The following LEMD3 variants were observed in gnomAD, a reference collection of about 807,000 sequenced individuals.
LEMD3 encodes the protein inner nuclear membrane protein Man1.
A neutral mutation model predicts 95.2 loss-of-function variants in LEMD3; 33 were observed. The ratio of observed to expected loss-of-function variants is 0.35; its 90% CI spans 0.26 to 0.46. LEMD3 has a LOEUF of 0.46. Ranked by LOEUF, LEMD3 falls within the 20% of genes least tolerant of loss-of-function variation. The pLI is 1.00. For missense variants in LEMD3, 1,210 were observed against 1,192.8 expected (o/e 1.01, Z -0.21); for synonymous variants, 525 against 474.6 (o/e 1.11, Z -1.38).
At chr12:65,240,354 GT>G (rs1032247401) in intron 8 of LEMD3, 116 bp downstream of exon 8, 43 of 762,646 alleles carry the variant, frequency 5.6e-5, no homozygotes, top group Admixed American at 9.0e-5. Context: ...TACTGCACAG[GT>G]TTTTTTTGGT....
rs1451101246 is a variant in LEMD3, at chr12:65,239,924, T to C, written c.1922-5T>C. 1 of 1,575,744 alleles carries C rather than the reference T, an allele frequency of 6.3e-7. No homozygotes were observed. Among genetic ancestry groups the C allele is most frequent in the Admixed American group, 1.7e-5 (1 of 59,940 alleles). On this transcript the variant is annotated splice_polypyrimidine_tract_variant and splice_region_variant and intron_variant, in intron 6 of 12. Transcript: ENST00000308330. ...TTTAAAATACAAAGTATATTAATAT[T>C]ACAGGTGTAGTGATGGTTTGTGTCG...
At chr12:65,235,471 GT>G (rs1162447571) in intron 4 of LEMD3, among the ~76,000 whole-genome samples, 1 of 152,000 alleles carries the variant, frequency 6.6e-6, no homozygotes, top group Non-Finnish European at 1.5e-5. Context: ...GTATACATGG[GT>G]TTTGCATCCA....
intron 1 of LEMD3, chr12:65,171,698 A>G (rs1208315170): frequency 6.1e-6 from 1 of 163,448 alleles, no homozygotes; most frequent in Non-Finnish European, 1.3e-5. Flanking sequence ...CACTTTCCCT[A>G]TCATCTGTAC....
Position 65,170,338 on chromosome 12 carries a change from C to G in LEMD3, c.742C>G (p.Arg248Gly). ...LWASRTVNGSRLVPYSCRENY... is the reference protein window; with the variant it reads ...LWASRTVNGSGLVPYSCRENY... ...GGCGAGCCGGACCGTGAATGGCAGC[C>G]GGCTTGTCCCCTACAGCTGCCGGGA... The change falls in exon 1 of 13, where the codon CGG (arginine) becomes GGG (glycine). Residue 248 changes from arginine to glycine, a missense_variant. Physicochemically the swap from Arg to Gly is moderately radical, Grantham distance 125. Transcript: ENST00000308330. 1.2e-6 allele frequency: 2 copies of G among 1,605,828 alleles called. No individual in the cohort carries two copies. Among genetic ancestry groups the G allele is most frequent in the Non-Finnish European group, 1.7e-6 (2 of 1,176,190 alleles).
intron 4 of LEMD3, among the ~76,000 whole-genome samples, chr12:65,220,292 C>T (rs115503279): frequency 1.1e-4 from 17 of 152,250 alleles, no homozygotes; most frequent in African/African-American, 4.1e-4. Context: ...CATTTATATA[C>T]ATATACATCT....
intron 8 of LEMD3, 199 bp from the exon 9 acceptor site, chr12:65,240,710 A>G: frequency 3.3e-6 from 2 of 597,244 alleles, no homozygotes; most frequent in South Asian, 2.1e-5. Flanking sequence ...GGGAAAAAAA[A>G]TACAGATGTT....
At chr12:65,198,563 G>A (rs751565355) in intron 1 of LEMD3, among the ~76,000 whole-genome samples, 1 of 152,036 alleles carries the variant, frequency 6.6e-6, no homozygotes, top group Non-Finnish European at 1.5e-5. Context: ...GTCTTTATTT[G>A]AATCTGATCC....
chr12:65,225,167 G>A (rs1405489767), intron 4 of LEMD3, among the ~76,000 whole-genome samples: 1 of 151,884 alleles, frequency 6.6e-6, no homozygotes, highest in Non-Finnish European at 1.5e-5. Context: ...CTTTATGATG[G>A]CTTTTTCTGA....
intron 4 of LEMD3, among the ~76,000 whole-genome samples, chr12:65,219,801 G>A (rs1309752792): frequency 6.6e-6 from 1 of 152,074 alleles, no homozygotes; most frequent in Admixed American, 6.6e-5. Flanking sequence ...GTTGAATCCT[G>A]CAATTTTTGT....
At chr12:65,176,587 T>A (rs1188277414) in intron 1 of LEMD3, among the ~76,000 whole-genome samples, 1 of 152,216 alleles carries the variant, frequency 6.6e-6, no homozygotes, top group Admixed American at 6.5e-5. Flanking sequence ...AGATGACAGC[T>A]CCTTTCTTTA....
In LEMD3 at chr12:65,184,739, G is replaced by A. The variant is rs76129321; in HGVS notation, c.1522+13621G>A. Among the ~76,000 whole-genome samples, 14 of 152,232 alleles carry A rather than the reference G, an allele frequency of 9.2e-5. No homozygotes were observed. In the East Asian group the frequency reaches 2.7e-3, roughly 29 times the overall value. ...CATTTAGTTTTAAGAGTTTTATGAG[G>A]TAGGGGCTAGTTTTCCATCATTAAT... On this transcript the variant is annotated intron_variant, in intron 1 of 12. Coordinates refer to ENST00000308330, the MANE Select transcript of LEMD3 (RefSeq NM_014319.5).
chr12:65,221,115 TAA>T (rs1381467505), intron 4 of LEMD3, among the ~76,000 whole-genome samples: 1 of 152,052 alleles, frequency 6.6e-6, no homozygotes, highest in Non-Finnish European at 1.5e-5. Flanking sequence ...TGAGTAATAT[TAA>T]GTCTTCCAAT....
At chr12:65,233,615 T>C (rs1310196094) in intron 4 of LEMD3, among the ~76,000 whole-genome samples, 2 of 149,990 alleles carry the variant, frequency 1.3e-5, no homozygotes, top group Admixed American at 1.3e-4. Flanking sequence ...TTCACTAGAA[T>C]ATTCACCAGC....
At chr12:65,176,015 C>CT (rs1171516664) in intron 1 of LEMD3, among the ~76,000 whole-genome samples, 1 of 152,168 alleles carries the variant, frequency 6.6e-6, no homozygotes, top group African/African-American at 2.4e-5. Flanking sequence ...TCTGTTTCCT[C>CT]TATATCTTTT....
intron 4 of LEMD3, among the ~76,000 whole-genome samples, chr12:65,227,607 T>C (rs1233948399): frequency 6.6e-6 from 1 of 152,212 alleles, no homozygotes; most frequent in East Asian, 1.9e-4. Context: ...ACAATGTAAA[T>C]TGTATGTAAA....
intron 9 of LEMD3, among the ~76,000 whole-genome samples, 154 bp downstream of exon 9, chr12:65,241,241 C>T (rs1191401793): frequency 4.6e-5 from 7 of 152,078 alleles, no homozygotes; most frequent in Non-Finnish European, 8.8e-5. Flanking sequence ...TCTTATGTAT[C>T]CTTCCACACT....
intron 4 of LEMD3, 98 bp downstream of exon 4, chr12:65,218,717 C>A: frequency 1.4e-6 from 1 of 704,026 alleles, no homozygotes; most frequent in Non-Finnish European, 2.4e-6. Flanking sequence ...TTTAATTGTA[C>A]TGTTAAAAGC....
At position 65,243,465 on chromosome 12, in the gene LEMD3, G is replaced by C; in HGVS notation, c.2383G>C (p.Val795Leu). Residue 795 changes from valine to leucine, a missense_variant, in exon 10 of 13, where the codon GTT becomes CTT. Physicochemically the swap from Val to Leu is conservative, Grantham distance 32. Coordinates refer to ENST00000308330, the MANE Select transcript of LEMD3 (RefSeq NM_014319.5). ...AAAGATTCGGAATATGTTTGATCCC[G>C]TTATGTAAGTATTATGATCAGGGGT... ...CLKIRNMFDPVMEIGDQWHLA... is the reference protein window; with the variant it reads ...CLKIRNMFDPLMEIGDQWHLA... 6.4e-7 allele frequency: 1 copy of C among 1,559,506 alleles called. No individual in the cohort carries two copies. Among genetic ancestry groups the C allele is most frequent in the Non-Finnish European group, 8.8e-7 (1 of 1,130,578 alleles).
chr12:65,225,207 A>G (rs1188264019), intron 4 of LEMD3, among the ~76,000 whole-genome samples: 1 of 152,000 alleles, frequency 6.6e-6, no homozygotes, highest in African/African-American at 2.4e-5. Context: ...TTAGACTTCT[A>G]CTTCTTTAGG....
Sources: gnomAD v4.1 joint callset for allele counts (sites outside exome capture counted in the v4.1 genomes callset) on GRCh38, gnomAD v4.1.1 for gene constraint, MANE v1.5 for transcripts, NCBI Gene and HGNC (gene_info 2026-07-23, HGNC 2026-07-21) for gene names.